GBF1: variants seen among roughly 807,000 people sequenced by gnomAD.
GBF1 encodes the protein Golgi-specific brefeldin A-resistance guanine nucleotide exchange factor 1.
A neutral mutation model predicts 210.5 loss-of-function variants in GBF1; 114 were observed. The ratio of observed to expected loss-of-function variants is 0.54; its 90% CI spans 0.47 to 0.63. GBF1 has a LOEUF of 0.63. Among genes scored for constraint, GBF1 ranks in the 30% least tolerant of loss-of-function variants. The pLI is 0.00. For synonymous variants in GBF1, 850 were observed against 889.2 expected (o/e 0.96, Z 0.78); for missense variants, 1,851 against 2,357.7 (o/e 0.79, Z 4.45).
the GBF1 span, among the ~76,000 whole-genome samples, chr10:102,237,600 A>G: frequency 6.6e-6 from 1 of 152,160 alleles, no homozygotes; most frequent in Non-Finnish European, 1.5e-5. Context: ...AAAAAACCCT[A>G]AGACCAGTCA....
At chr10:102,362,239 G>T (rs549911905) in intron 14 of GBF1, among the ~76,000 whole-genome samples, 1 of 151,654 alleles carries the variant, frequency 6.6e-6, no homozygotes, top group East Asian at 1.9e-4. Context: ...TGTATTTTTA[G>T]CAGAGACGGG....
chr10:102,239,843 A>T, the GBF1 span, among the ~76,000 whole-genome samples: 2 of 152,222 alleles, frequency 1.3e-5, no homozygotes, highest in African/African-American at 4.8e-5. Context: ...CAGCAGAGTC[A>T]GGGCTGTATC....
At chr10:102,292,028 T>G (rs2076484245) in intron 3 of GBF1, among the ~76,000 whole-genome samples, 1 of 151,756 alleles carries the variant, frequency 6.6e-6, no homozygotes, top group Non-Finnish European at 1.5e-5. Flanking sequence ...TAGCTGGGAC[T>G]ACAGGCGCCC....
At chr10:102,231,321 C>G in the GBF1 span, among the ~76,000 whole-genome samples, 1 of 152,020 alleles carries the variant, frequency 6.6e-6, no homozygotes, top group African/African-American at 2.4e-5. Flanking sequence ...TCTGGCGGGA[C>G]AGTAGGATGG....
intron 3 of GBF1, among the ~76,000 whole-genome samples, chr10:102,320,910 G>A (rs2056327987): frequency 1.3e-5 from 2 of 151,278 alleles, no homozygotes; most frequent in South Asian, 2.1e-4. Flanking sequence ...ATTCTCAAGC[G>A]TCAGCCTCCC....
chr10:102,342,558 G>A lies in GBF1; in HGVS notation c.164-1493G>A, dbSNP rs1308781495. ...AAGCTTGGAAAATGCTACCCAATCT[G>A]CCAATTAATTAAAGCGTTAATCTGA... On this transcript the variant is annotated intron_variant, in intron 3 of 39. Transcript: ENST00000369983. Among the ~76,000 whole-genome samples the A allele has an allele frequency of 2.0e-5, 3 of 152,058 alleles. No homozygotes were observed. The East Asian group carries it at 5.8e-4, about 29-fold the overall frequency.
chr10:102,334,229 G>T (rs1382542605), intron 3 of GBF1, among the ~76,000 whole-genome samples: 1 of 152,172 alleles, frequency 6.6e-6, no homozygotes, highest in Non-Finnish European at 1.5e-5. Context: ...ATAACATACC[G>T]CAGGCCTTTT....
At chr10:102,319,653 T>C (rs2056201605) in intron 3 of GBF1, among the ~76,000 whole-genome samples, 1 of 152,050 alleles carries the variant, frequency 6.6e-6, no homozygotes, top group Non-Finnish European at 1.5e-5. Context: ...GGAACTTCCC[T>C]TCAGTTTTCT....
intron 33 of GBF1, 55 bp downstream of exon 33, chr10:102,377,195 T>G: frequency 6.8e-7 from 1 of 1,472,332 alleles, no homozygotes; most frequent in Non-Finnish European, 9.4e-7. Context: ...ACTGGGAGCC[T>G]GGGGCGGCCA....
At chr10:102,360,502 C>T (rs1414409440) in intron 12 of GBF1, 107 bp downstream of exon 12, 2 of 736,216 alleles carry the variant, frequency 2.7e-6, no homozygotes, top group East Asian at 2.6e-5. Context: ...AAAGCATCTC[C>T]CTCCCAGTTG....
chr10:102,357,958 C>T, intron 8 of GBF1, 81 bp from the exon 9 acceptor site: 1 of 938,272 alleles, frequency 1.1e-6, no homozygotes, highest in Non-Finnish European at 1.7e-6. Flanking sequence ...TTCTAGAGAT[C>T]AGTAGGACTA....
chr10:102,354,632 TG>T (rs1056561662), intron 8 of GBF1, among the ~76,000 whole-genome samples: 3 of 152,184 alleles, frequency 2.0e-5, no homozygotes, highest in African/African-American at 7.2e-5. Context: ...TTTGCAGTGT[TG>T]GGAATTCTCC....
intron 3 of GBF1, among the ~76,000 whole-genome samples, chr10:102,260,444 G>A (rs1051831906): frequency 8.2e-5 from 12 of 147,144 alleles, no homozygotes; most frequent in Non-Finnish European, 1.5e-4. Flanking sequence ...CCAGGCTTGA[G>A]CCACTGTGCC....
the GBF1 span, among the ~76,000 whole-genome samples, chr10:102,233,304 C>CTTTTTTTT: frequency 9.3e-6 from 1 of 107,908 alleles, no homozygotes. Flanking sequence ...TTTTTTCCTT[C>CTTTTTTTT]TTTTTTTTTT....
At chr10:102,350,420 G>A (rs1237170697) in intron 4 of GBF1, among the ~76,000 whole-genome samples, 2 of 151,822 alleles carry the variant, frequency 1.3e-5, no homozygotes, top group Admixed American at 1.3e-4. Context: ...GGCAGTGAGT[G>A]TTCATTTCCT....
rs1554986368 is a variant in GBF1, at chr10:102,382,852, C to CAACA, written c.*517_*520dup. 2 of 154,732 alleles carry CAACA rather than the reference C, an allele frequency of 1.3e-5. No homozygotes were observed. Among genetic ancestry groups the CAACA allele is most frequent in the Admixed American group, 6.5e-5 (1 of 15,424 alleles). 9.6% of individuals were successfully genotyped at this position (154,732 alleles called of 1,614,324 possible). ...AGCATGTACATATGGAAAAACAGAA[C>CAACA]AACAGTGGACTTTTTATGATATAAT... On this transcript the variant is annotated 3_prime_UTR_variant, in exon 40 of 40. Coordinates refer to ENST00000369983, the MANE Select transcript of GBF1 (RefSeq NM_001377137.1).
intron 3 of GBF1, among the ~76,000 whole-genome samples, chr10:102,308,486 C>G (rs1446536740): frequency 1.3e-5 from 2 of 152,102 alleles, no homozygotes; most frequent in Admixed American, 1.3e-4. Flanking sequence ...AAGTGTCCAA[C>G]AGTGATAGAC....
chr10:102,340,431 G>A (rs1478029815), intron 3 of GBF1, among the ~76,000 whole-genome samples: 1 of 151,784 alleles, frequency 6.6e-6, no homozygotes, highest in Non-Finnish European at 1.5e-5. Context: ...CCGCCACCAC[G>A]CCTGGCTAAT....
intron 6 of GBF1, 33 bp downstream of exon 6, chr10:102,351,984 C>T: frequency 8.7e-7 from 1 of 1,152,818 alleles, no homozygotes; most frequent in Non-Finnish European, 1.3e-6. Flanking sequence ...CTTCACCATT[C>T]CTGGGGCCAG....
Sources: allele counts gnomAD v4.1 joint callset (sites outside exome capture counted in the v4.1 genomes callset), GRCh38; gene constraint gnomAD v4.1.1; transcripts MANE v1.5; gene names NCBI Gene and HGNC (gene_info 2026-07-23, HGNC 2026-07-21).